The following DAGLA variants were observed in gnomAD, a reference collection of about 807,000 sequenced individuals.
DAGLA encodes the protein diacylglycerol lipase-alpha.
DAGLA carries 22 observed loss-of-function variants against 102.6 expected under a neutral mutation model. The ratio of observed to expected loss-of-function variants is 0.21; its 90% confidence interval spans 0.15 to 0.31. DAGLA has a LOEUF of 0.31. Among genes scored for constraint, DAGLA ranks in the 10% least tolerant of loss-of-function variants. The pLI is 1.00. For synonymous variants in DAGLA, 578 were observed against 628.9 expected (o/e 0.92, Z 1.21); for missense variants, 927 against 1,446.6 (o/e 0.64, Z 5.83).
chr11:61,736,639 G>A (rs764232137), intron 13 of DAGLA, among the ~76,000 whole-genome samples: 9 of 152,224 alleles, frequency 5.9e-5, no homozygotes, highest in Admixed American at 6.5e-5. Flanking sequence ...CTGCAGAACC[G>A]TTTGTCAGAA....
At position 61,737,758 on chromosome 11, in the gene DAGLA, G is replaced by C. The variant is rs1167040840; in HGVS notation, c.1583+3G>C. 2 of 1,613,854 alleles carry C rather than the reference G, an allele frequency of 1.2e-6. No homozygotes were observed. Among genetic ancestry groups the C allele is most frequent in the South Asian group, 2.2e-5 (2 of 91,080 alleles). On this transcript the variant is annotated splice_donor_region_variant and intron_variant, in intron 15 of 19. Coordinates refer to ENST00000257215, the MANE Select transcript of DAGLA (RefSeq NM_006133.3). ...CTGGGCAAAGACCTCGTCCCCAGGT[G>C]AGTCCTTGGCCCCGCTCCATGGTCC...
At chr11:61,729,637 T>C (rs190815563) in intron 8 of DAGLA, among the ~76,000 whole-genome samples, 1 of 152,324 alleles carries the variant, frequency 6.6e-6, no homozygotes, top group African/African-American at 2.4e-5. Context: ...CCCTCTGAGC[T>C]GGATCCTGAA....
chr11:61,733,103 C>T (rs2065390377), intron 9 of DAGLA, among the ~76,000 whole-genome samples: 1 of 152,236 alleles, frequency 6.6e-6, no homozygotes, highest in Non-Finnish European at 1.5e-5. Flanking sequence ...CCCTTGATCT[C>T]ACACCAGCCT....
chr11:61,681,809 C>T (rs1395014768), intron 1 of DAGLA, among the ~76,000 whole-genome samples: 1 of 152,192 alleles, frequency 6.6e-6, no homozygotes, highest in African/African-American at 2.4e-5. Flanking sequence ...ATTGTGTTTG[C>T]TCTCACCAGT....
At chr11:61,687,130 G>A (rs1236571252) in intron 1 of DAGLA, among the ~76,000 whole-genome samples, 1 of 152,124 alleles carries the variant, frequency 6.6e-6, no homozygotes, top group African/African-American at 2.4e-5. Context: ...CCCCCTGCAC[G>A]CTCCCATCCC....
chr11:61,691,299 T>G (rs2065022676), intron 1 of DAGLA, among the ~76,000 whole-genome samples: 1 of 152,178 alleles, frequency 6.6e-6, no homozygotes, highest in Non-Finnish European at 1.5e-5. Flanking sequence ...GATGTATAAA[T>G]TATAGGAACC....
intron 1 of DAGLA, among the ~76,000 whole-genome samples, chr11:61,698,831 T>C (rs2065087491): frequency 6.6e-6 from 1 of 152,180 alleles, no homozygotes; most frequent in East Asian, 1.9e-4. Context: ...GGGCACTGAT[T>C]AGGTCTGCCC....
At chr11:61,719,419 C>T (rs189086952) in intron 1 of DAGLA, among the ~76,000 whole-genome samples, 52 of 152,306 alleles carry the variant, frequency 3.4e-4, no homozygotes, top group Admixed American at 2.7e-3. Context: ...CCGTGCTCTT[C>T]CCTCCCTGGA....
At chr11:61,737,441 G>A (rs7945110) in intron 14 of DAGLA, 117 bp downstream of exon 14, 2 of 1,435,676 alleles carry the variant, frequency 1.4e-6, no homozygotes, top group African/African-American at 2.8e-5. Flanking sequence ...GGAGGTCTGG[G>A]AGTGGCCTGG....
intron 14 of DAGLA, 119 bp downstream of exon 14, chr11:61,737,443 G>T (rs1376836302): frequency 1.4e-6 from 2 of 1,437,506 alleles, no homozygotes; most frequent in Non-Finnish European, 1.9e-6. Context: ...AGGTCTGGGA[G>T]TGGCCTGGAG....
intron 1 of DAGLA, among the ~76,000 whole-genome samples, chr11:61,696,341 G>C (rs2065064962): frequency 6.6e-6 from 1 of 152,116 alleles, no homozygotes; most frequent in Non-Finnish European, 1.5e-5. Context: ...GGGTGGAGGT[G>C]CCCACTACCC....
At chr11:61,729,150 CCT>C in intron 8 of DAGLA, 142 bp downstream of exon 8, 3 of 715,628 alleles carry the variant, frequency 4.2e-6, no homozygotes, top group South Asian at 3.4e-5. Context: ...CTCCAGAGAG[CCT>C]CTCTGCTCAG....
At chr11:61,707,630 G>T (rs368897512) in intron 1 of DAGLA, among the ~76,000 whole-genome samples, 1 of 152,284 alleles carries the variant, frequency 6.6e-6, no homozygotes, top group East Asian at 1.9e-4. Flanking sequence ...GGGCTGGTTT[G>T]CCAGGGCTGG....
At chr11:61,725,884 AC>A in intron 5 of DAGLA, 110 bp from the exon 6 acceptor site, 1 of 986,394 alleles carries the variant, frequency 1.0e-6, no homozygotes, top group Non-Finnish European at 1.6e-6. Flanking sequence ...CACTGCGGGA[AC>A]CCTTTGGTAG....
At chr11:61,730,169 C>T (rs570076419) in intron 8 of DAGLA, among the ~76,000 whole-genome samples, 1 of 152,184 alleles carries the variant, frequency 6.6e-6, no homozygotes, top group African/African-American at 2.4e-5. Flanking sequence ...TAAAAATAGC[C>T]ACATCCATAG....
intron 1 of DAGLA, among the ~76,000 whole-genome samples, chr11:61,697,124 C>T (rs538659731): frequency 6.6e-6 from 1 of 152,266 alleles, no homozygotes; most frequent in Non-Finnish European, 1.5e-5. Flanking sequence ...CTCACCTGGC[C>T]AGTGAGAAAT....
At chr11:61,735,708 C>T (rs372344088) in intron 11 of DAGLA, 31 bp from the exon 12 acceptor site, 35 of 1,612,594 alleles carry the variant, frequency 2.2e-5, no homozygotes, top group Middle Eastern at 1.6e-4. Flanking sequence ...CCTCTTTAGC[C>T]GCCCCCTCAC....
chr11:61,734,131 C>T lies in DAGLA; in HGVS notation c.975-718C>T, dbSNP rs982701011. On this transcript the variant is annotated intron_variant, in intron 9 of 19. Transcript: ENST00000257215. The surrounding 1 kb of genome is among the most constrained non-coding windows in gnomAD (Gnocchi z 4.2). ...TAGGGGCAAGTGCAAGGAGGCCAGT[C>T]GAGGCCACCATGACAGTCCCAGGCA... 6.6e-6 allele frequency among the ~76,000 whole-genome samples: 1 copy of T among 152,032 alleles called. No individual in the cohort carries two copies. The highest frequency in any genetic ancestry group is 1.9e-4 in the East Asian group (1 of 5,138).
At chr11:61,742,095 A>G (rs1591056001) in intron 19 of DAGLA, among the ~76,000 whole-genome samples, 1 of 152,200 alleles carries the variant, frequency 6.6e-6, no homozygotes, top group Admixed American at 6.5e-5. Flanking sequence ...ACACATATAC[A>G]AGGACACATG....
Sources: gnomAD v4.1 joint callset for allele counts (sites outside exome capture counted in the v4.1 genomes callset) on GRCh38, gnomAD v4.1.1 for gene constraint, Gnocchi (gnomAD v3.1) non-coding constraint, MANE v1.5 for transcripts, NCBI Gene and HGNC (gene_info 2026-07-23, HGNC 2026-07-21) for gene names.